The following FMN2 variants were observed in gnomAD, a reference collection of about 807,000 sequenced individuals.
The protein encoded by FMN2 is formin-2.
FMN2 carries 51 observed loss-of-function variants against 142.3 expected under a neutral mutation model. The ratio of observed to expected loss-of-function variants is 0.36; its 90% CI spans 0.29 to 0.45. The LOEUF (loss-of-function observed/expected upper bound fraction) is 0.45, where lower values mean the gene tolerates loss of function less well. FMN2 is among the 20% of genes least tolerant of loss of function. The pLI is 1.00. For missense variants in FMN2, 1,936 were observed against 2,122.8 expected, an observed-to-expected ratio of 0.91 and a Z score of 1.73; for synonymous variants, 882 against 869.8, an observed-to-expected ratio of 1.01 and a Z score of -0.25.
rs142335257 is a variant in FMN2 at position 240,093,481 on chromosome 1, G to A, written c.1372G>A (p.Ala458Thr). 903 of 1,605,170 alleles carry A rather than the reference G, an allele frequency of 5.6e-4. 1 individual carries two copies. Among genetic ancestry groups the A allele is most frequent in the Middle Eastern group, 2.3e-3 (14 of 6,024 alleles). The change falls in exon 1 of 18, where the codon GCC becomes ACC. Residue 458 changes from alanine (A) to threonine (T), a missense_variant. By Grantham distance (58) the Ala-to-Thr change is moderately conservative. Around this residue, in one of 8 missense-constraint regions of FMN2, gnomAD observed 751 missense variants for 791.8 expected, o/e 0.95. Transcript: ENST00000319653. ...EPSLSRGSRTALASVAAPAKK... is the reference protein window; with the variant it reads ...EPSLSRGSRTTLASVAAPAKK... Reference sequence around the variant, plus strand: ...CTCCCTGAGCCGAGGGTCCAGAACTGCCCTGGCCTCCGTAGCCGCCCCGGC... The same window carrying A: ...CTCCCTGAGCCGAGGGTCCAGAACTACCCTGGCCTCCGTAGCCGCCCCGGC...
chr1:240,125,242 G>C (rs766409043), intron 2 of FMN2, among the ~76,000 whole-genome samples: 3 of 152,172 alleles, frequency 2.0e-5, no homozygotes, highest in Non-Finnish European at 2.9e-5. Context: ...AGAGCTTCTT[G>C]ATTCTTGATG....
At chr1:240,388,905 C>A (rs369810381) in intron 14 of FMN2, among the ~76,000 whole-genome samples, 1 of 150,176 alleles carries the variant, frequency 6.7e-6, no homozygotes, top group East Asian at 2.0e-4. Flanking sequence ...TGCTGGGCGA[C>A]AGTAGCACAG....
At chr1:240,386,017 A>G (rs1228781219) in intron 14 of FMN2, among the ~76,000 whole-genome samples, 1 of 152,188 alleles carries the variant, frequency 6.6e-6, no homozygotes, top group Admixed American at 6.5e-5. Flanking sequence ...AGTATTCCAC[A>G]ACATTGTTTT....
Position 240,474,264 on chromosome 1 carries a change from C to A in FMN2, c.*110C>A. Reference sequence around the variant, plus strand: ...CATTCTGCTCATGTTTCTTCTTGACCTCTTGCATAATCTTTTTGTTTTCTA... The same window carrying A: ...CATTCTGCTCATGTTTCTTCTTGACATCTTGCATAATCTTTTTGTTTTCTA... On this transcript the variant is annotated 3_prime_UTR_variant, in exon 18 of 18. Coordinates refer to ENST00000319653, the MANE Select transcript of FMN2 (RefSeq NM_020066.5). The A allele has an allele frequency of 9.9e-7, 1 of 1,010,942 alleles. No individual in the cohort carries two copies. Among genetic ancestry groups the A allele is most frequent in the Non-Finnish European group, 1.4e-6 (1 of 712,198 alleles). The allele number at this position is 1,010,942 out of a possible 1,614,324, so 62.6% of individuals were successfully genotyped here.
intron 15 of FMN2, among the ~76,000 whole-genome samples, chr1:240,419,335 G>A (rs1254441181): frequency 1.3e-5 from 2 of 151,708 alleles, no homozygotes; most frequent in East Asian, 1.9e-4. Context: ...GTTAATATTG[G>A]TACATATCAG....
At chr1:240,119,328 CA>C (rs76694954) in intron 1 of FMN2, among the ~76,000 whole-genome samples, 6,459 of 107,718 alleles carry the variant, frequency 0.06, 157 homozygotes, top group Middle Eastern at 0.11. Flanking sequence ...GACTCCATCT[CA>C]AAAAAAAAAA....
At chr1:240,304,726 C>G (rs1238017016) in intron 8 of FMN2, among the ~76,000 whole-genome samples, 2 of 152,174 alleles carry the variant, frequency 1.3e-5, no homozygotes, top group African/African-American at 2.4e-5. Flanking sequence ...GAGCACAGAT[C>G]CTTTATATTT....
In FMN2 at chr1:240,322,744, G is replaced by A. The variant is rs74151623; in HGVS notation, c.4216-6332G>A. Among the ~76,000 whole-genome samples the A allele has an allele frequency of 5.4e-3, 829 of 152,266 alleles. 9 individuals are homozygous for A. The highest frequency in any genetic ancestry group is 0.019 in the African/African-American group (779 of 41,544). Reference sequence around the variant, plus strand: ...GGCACTGTGGGGGATGGAAAGCACTGTTGTTCCGTGTCACCATGAGAGAGG... The same window carrying A: ...GGCACTGTGGGGGATGGAAAGCACTATTGTTCCGTGTCACCATGAGAGAGG... On this transcript the variant is annotated intron_variant, in intron 8 of 17. Transcript: ENST00000319653.
chr1:240,099,863 T>G (rs1001099881), intron 1 of FMN2, among the ~76,000 whole-genome samples: 8 of 152,294 alleles, frequency 5.3e-5, no homozygotes, highest in Non-Finnish European at 1.0e-4. Context: ...ACCCTCTGCC[T>G]TTCCTTCCTC....
intron 2 of FMN2, among the ~76,000 whole-genome samples, chr1:240,156,839 A>C (rs1051978728): frequency 7.2e-5 from 11 of 152,206 alleles, no homozygotes; most frequent in African/African-American, 2.7e-4. Context: ...AGATTAATAG[A>C]TGCAATTCAT....
Position 240,208,628 on chromosome 1 carries a change from T to A in FMN2, c.3816T>A (p.Phe1272Leu). ...FLPPPLPSGL[F>L]GLGMNQDKGS... ...CTCCTCCATTGCCAAGTGGCTTGTT[T>A]GGATTAGGGATGAATCAGGACAAAG... is the stretch of plus-strand genomic sequence containing the variant. The change falls in exon 5 of 18, where the codon TTT (phenylalanine) becomes TTA (leucine). Residue 1272 changes from phenylalanine to leucine, a missense_variant. Transcript: ENST00000319653. 6.2e-7 allele frequency: 1 copy of A among 1,613,910 alleles called. No individual in the cohort carries two copies. The highest frequency in any genetic ancestry group is 1.1e-5 in the South Asian group (1 of 91,086).
At chr1:240,410,135 G>A (rs1463441695) in intron 15 of FMN2, among the ~76,000 whole-genome samples, 1 of 147,778 alleles carries the variant, frequency 6.8e-6, no homozygotes, top group Non-Finnish European at 1.5e-5. Context: ...GAAATATACT[G>A]TCTCCCAGAT....
At chr1:240,106,444 A>C (rs1661612151) in intron 1 of FMN2, among the ~76,000 whole-genome samples, 1 of 152,150 alleles carries the variant, frequency 6.6e-6, no homozygotes, top group Non-Finnish European at 1.5e-5. Context: ...AATAGTTTCA[A>C]ACTGAACTCA....
At chr1:240,456,014 T>A (rs1676232762) in intron 16 of FMN2, among the ~76,000 whole-genome samples, 1 of 151,720 alleles carries the variant, frequency 6.6e-6, no homozygotes. Flanking sequence ...AGTTGCATAA[T>A]GATCTCAGAA....
At chr1:240,243,984 C>A (rs1667996249) in intron 6 of FMN2, among the ~76,000 whole-genome samples, 1 of 152,168 alleles carries the variant, frequency 6.6e-6, no homozygotes, top group Admixed American at 6.5e-5. Context: ...ACATTGCATA[C>A]CTCTGGATAT....
At chr1:240,170,615 G>A in intron 2 of FMN2, 1 of 1,573,112 alleles carries the variant, frequency 6.4e-7, no homozygotes, top group East Asian at 2.2e-5. Context: ...TTTTCTGAAT[G>A]CACAGTTGTG....
chr1:240,417,308 C>T (rs749979672), intron 15 of FMN2, among the ~76,000 whole-genome samples: 11 of 151,330 alleles, frequency 7.3e-5, no homozygotes, highest in East Asian at 5.8e-4. Context: ...ATCTTATAAT[C>T]GATGTGGGCT....
chr1:240,312,301 A>AT (rs1387081348), intron 8 of FMN2, among the ~76,000 whole-genome samples: 1 of 151,914 alleles, frequency 6.6e-6, no homozygotes, highest in Non-Finnish European at 1.5e-5. Context: ...TCCACTTACC[A>AT]TCTCCTTCTA....
intron 6 of FMN2, among the ~76,000 whole-genome samples, chr1:240,238,777 C>A (rs1213645917): frequency 6.6e-6 from 1 of 152,126 alleles, no homozygotes; most frequent in East Asian, 1.9e-4. Flanking sequence ...AAACTGCAAA[C>A]CTTCTAAATA....
Sources: allele counts gnomAD v4.1 joint callset (sites outside exome capture counted in the v4.1 genomes callset), GRCh38; gene constraint gnomAD v4.1.1; regional missense constraint gnomAD v4.1.1; transcripts MANE v1.5; gene names NCBI Gene and HGNC (gene_info 2026-07-23, HGNC 2026-07-21).